Variants in CACHD1 observed in about 807,000 individuals in gnomAD.
CACHD1 encodes the protein VWFA and cache domain-containing protein 1.
Under a neutral mutation model 138.7 loss-of-function variants are expected in CACHD1, and 71 were observed. The ratio of observed to expected loss-of-function variants is 0.51; its 90% CI spans 0.42 to 0.62. CACHD1 has a LOEUF of 0.62. Among genes scored for constraint, CACHD1 ranks in the 20% least tolerant of loss-of-function variants. The probability of loss-of-function intolerance (pLI) is 0.00; values close to 1 mark genes in which losing one functional copy is unlikely to be tolerated. For synonymous variants in CACHD1, 578 were observed against 591.5 expected (o/e 0.98, Z 0.33); for missense variants, 1,389 against 1,625.3 (o/e 0.85, Z 2.50).
chr1:64,658,118 G>T (rs1649325507), intron 12 of CACHD1, among the ~76,000 whole-genome samples: 4 of 152,170 alleles, frequency 2.6e-5, no homozygotes, highest in Non-Finnish European at 5.9e-5. Flanking sequence ...GACTCTGCAG[G>T]GATGCCATAG....
chr1:64,656,640 TA>T (rs1268847559), intron 12 of CACHD1, among the ~76,000 whole-genome samples: 6 of 152,154 alleles, frequency 3.9e-5, no homozygotes, highest in Non-Finnish European at 7.3e-5. Flanking sequence ...ACGATGCTAG[TA>T]AATTCTGGTT....
chr1:64,532,357 C>A (rs74082823), intron 1 of CACHD1, among the ~76,000 whole-genome samples: 3,555 of 152,256 alleles, frequency 0.023, 135 homozygotes, highest in African/African-American at 0.081. Flanking sequence ...AGCCCTCGTG[C>A]TCATGCAGCA....
At chr1:64,648,081 G>C (rs776140889) in intron 9 of CACHD1, 47 bp downstream of exon 9, 1 of 1,448,274 alleles carries the variant, frequency 6.9e-7, no homozygotes, top group African/African-American at 1.4e-5. Context: ...AAAGAACTGG[G>C]CAGATAGAAA....
intron 1 of CACHD1, among the ~76,000 whole-genome samples, chr1:64,490,873 G>A (rs1054865267): frequency 2.6e-5 from 4 of 152,154 alleles, no homozygotes; most frequent in African/African-American, 7.2e-5. Context: ...AAATGCTGGT[G>A]GGAACATAGA....
At chr1:64,646,407 A>G (rs1459078454) in intron 8 of CACHD1, among the ~76,000 whole-genome samples, 1 of 152,140 alleles carries the variant, frequency 6.6e-6, no homozygotes, top group African/African-American at 2.4e-5. Flanking sequence ...GCAAAAGTCA[A>G]GTTTATTTAA....
In CACHD1 at chr1:64,664,640, C is replaced by G; in HGVS notation, c.2237C>G (p.Ser746Cys). The G allele has an allele frequency of 6.2e-7, 1 of 1,614,134 alleles. No individual in the cohort carries two copies. The highest frequency in any genetic ancestry group is 8.5e-7 in the Non-Finnish European group (1 of 1,180,014). ...PNGVLRIYPG[S>C]LMDKAFDPTR... ...GGCGTCCTCAGAATTTATCCTGGTT[C>G]CCTCATGGACAAAGCATTTGATCCC... is the stretch of plus-strand genomic sequence containing the variant. Residue 746 changes from serine (S) to cysteine (C), a missense_variant, in exon 15 of 27, where the codon TCC (serine) becomes TGC (cysteine). Ser to Cys is a moderately radical substitution (Grantham distance 112, BLOSUM62 -1). Around this residue, in one of 5 missense-constraint regions of CACHD1, gnomAD observed 1,000 missense variants for 1,114.7 expected, o/e 0.90. Coordinates refer to ENST00000651257, the MANE Select transcript of CACHD1 (RefSeq NM_020925.4).
At chr1:64,637,086 G>A (rs1308551214) in intron 7 of CACHD1, among the ~76,000 whole-genome samples, 1 of 152,164 alleles carries the variant, frequency 6.6e-6, no homozygotes, top group African/African-American at 2.4e-5. Flanking sequence ...AGGCAGATTG[G>A]CCTGTTTGTC....
In CACHD1 at chr1:64,576,830, G is replaced by T. The variant is rs1387292867; in HGVS notation, c.262-5326G>T. 2.0e-5 allele frequency among the ~76,000 whole-genome samples: 3 copies of T among 151,638 alleles called. No individual in the cohort carries two copies. The East Asian group carries it at 5.8e-4, about 29-fold the overall frequency. On this transcript the variant is annotated intron_variant, in intron 2 of 26. Coordinates refer to ENST00000651257, the MANE Select transcript of CACHD1 (RefSeq NM_020925.4). ...CCAACAAAAACCCCTTGAGTAATTT[G>T]AACAATTTAAAATAGTTTAATGTAA...
chr1:64,525,425 C>T (rs902796965), intron 1 of CACHD1, among the ~76,000 whole-genome samples: 2 of 152,120 alleles, frequency 1.3e-5, no homozygotes, highest in African/African-American at 4.8e-5. Flanking sequence ...GTAAGATGAG[C>T]AGTTCATATT....
intron 1 of CACHD1, among the ~76,000 whole-genome samples, chr1:64,476,300 G>C (rs1646174408): frequency 6.6e-6 from 1 of 152,156 alleles, no homozygotes; most frequent in Non-Finnish European, 1.5e-5. Flanking sequence ...TTATCCTAGA[G>C]CTTCTGTGGT....
chr1:64,521,140 C>T (rs1229207909), intron 1 of CACHD1, among the ~76,000 whole-genome samples: 1 of 152,194 alleles, frequency 6.6e-6, no homozygotes, highest in African/African-American at 2.4e-5. Context: ...TTGGAGTCTT[C>T]TTCCAGGCTC....
intron 1 of CACHD1, among the ~76,000 whole-genome samples, chr1:64,493,851 G>A (rs1646292019): frequency 6.6e-6 from 1 of 152,204 alleles, no homozygotes; most frequent in African/African-American, 2.4e-5. Context: ...CCTTATAGAA[G>A]TGTATGCACA....
chr1:64,673,378 C>A lies in CACHD1; in HGVS notation c.2641C>A (p.His881Asn), dbSNP rs147667533. The change falls in exon 19 of 27, where the codon CAC (histidine) becomes AAC (asparagine). Residue 881 changes from histidine (H) to asparagine (N), a missense_variant. Physicochemically the swap from His to Asn is moderately conservative, Grantham distance 68. This residue lies in a region of CACHD1 where 1,000 missense variants were observed against 1,114.7 expected (regional missense o/e 0.90). Coordinates refer to ENST00000651257, the MANE Select transcript of CACHD1 (RefSeq NM_020925.4). ...CCTGGTAGCAAATGATATCCTCAAC[C>A]ACCCCAACTTTGTAAAGAAAAACCT... ...EPLVANDILN[H>N]PNFVKKNLCN... The A allele has an allele frequency of 1.7e-5, 28 of 1,614,006 alleles. No individual in the cohort carries two copies. The highest frequency in any genetic ancestry group is 2.4e-5 in the Non-Finnish European group (28 of 1,180,008).
intron 1 of CACHD1, among the ~76,000 whole-genome samples, chr1:64,480,353 A>G (rs1169648227): frequency 6.6e-6 from 1 of 152,024 alleles, no homozygotes; most frequent in Non-Finnish European, 1.5e-5. Context: ...CCTTTTCGTG[A>G]TATTATACTG....
At chr1:64,582,328 G>A (rs1647019844) in intron 3 of CACHD1, 24 bp downstream of exon 3, 1 of 1,603,292 alleles carries the variant, frequency 6.2e-7, no homozygotes. Context: ...ACTTTTTGTT[G>A]TTGTATAAAC....
intron 1 of CACHD1, among the ~76,000 whole-genome samples, chr1:64,471,414 G>C (rs1213935541): frequency 6.6e-6 from 1 of 152,140 alleles, no homozygotes; most frequent in Non-Finnish European, 1.5e-5. Flanking sequence ...CCGCGTCCTC[G>C]CGTCCTCGCG....
rs538432322 is a variant in CACHD1, at chr1:64,639,150, C to T, written c.1007-2670C>T. Reference sequence around the variant, plus strand: ...GAGACTAGGGTTCTCTTTTAGGTCACCCTAGATGTGTCCAGGAATTTATCA... The same window carrying T: ...GAGACTAGGGTTCTCTTTTAGGTCATCCTAGATGTGTCCAGGAATTTATCA... On this transcript the variant is annotated intron_variant, in intron 7 of 26. Coordinates refer to ENST00000651257, the MANE Select transcript of CACHD1 (RefSeq NM_020925.4). 2.0e-5 allele frequency among the ~76,000 whole-genome samples: 3 copies of T among 152,248 alleles called. No individual in the cohort carries two copies. In the East Asian group the frequency reaches 5.8e-4, roughly 29 times the overall value.
chr1:64,640,741 TTATATA>T (rs67605354), intron 7 of CACHD1, among the ~76,000 whole-genome samples: 1 of 149,408 alleles, frequency 6.7e-6, no homozygotes, highest in African/African-American at 2.5e-5. Flanking sequence ...ACTCTCAACA[TTATATA>T]TATATATATA....
At chr1:64,617,163 A>AAAC (rs1206648157) in intron 4 of CACHD1, among the ~76,000 whole-genome samples, 3 of 1,178 alleles carry the variant, frequency 2.5e-3, no homozygotes, top group Admixed American at 0.023. Flanking sequence ...AAACAAAACA[A>AAAC]AAAAAAAAAC....
Sources: allele counts gnomAD v4.1 joint callset (sites outside exome capture counted in the v4.1 genomes callset), GRCh38; gene constraint gnomAD v4.1.1; regional missense constraint gnomAD v4.1.1; transcripts MANE v1.5; gene names NCBI Gene and HGNC (gene_info 2026-07-23, HGNC 2026-07-21).